NPAS3: variants seen among roughly 807,000 people sequenced by gnomAD.
The protein encoded by NPAS3 is neuronal PAS domain-containing protein 3.
Under a neutral mutation model 73.1 loss-of-function variants are expected in NPAS3, and 14 were observed. The observed-to-expected ratio is 0.19, with a 90% CI of 0.13 to 0.30. The LOEUF is 0.30. Among genes scored for constraint, NPAS3 ranks in the 10% least tolerant of loss-of-function variants. The pLI, the probability that NPAS3 is intolerant of heterozygous loss-of-function variation, is 1.00. For synonymous variants in NPAS3, 620 were observed against 541.5 expected (o/e 1.14, Z -2.01); for missense variants, 1,096 against 1,250.0 (o/e 0.88, Z 1.86).
chr14:33,742,325 C>T (rs962754409), intron 7 of NPAS3, among the ~76,000 whole-genome samples: 7 of 152,158 alleles, frequency 4.6e-5, no homozygotes, highest in African/African-American at 1.7e-4. Context: ...TTTCCAGATA[C>T]AGGCATATCT....
intron 8 of NPAS3, among the ~76,000 whole-genome samples, chr14:33,776,008 C>T (rs1032814366): frequency 4.6e-5 from 7 of 152,210 alleles, no homozygotes; most frequent in Non-Finnish European, 7.3e-5. Flanking sequence ...GTCTCATCCT[C>T]AGCCAAGAGA....
intron 1 of NPAS3, among the ~76,000 whole-genome samples, chr14:33,018,698 G>A (rs942844357): frequency 1.4e-4 from 22 of 152,264 alleles, no homozygotes; most frequent in African/African-American, 5.3e-4. Flanking sequence ...CTATTTCAGT[G>A]TTATTGGGAA....
intron 4 of NPAS3, among the ~76,000 whole-genome samples, chr14:33,558,582 C>G (rs774404018): frequency 6.6e-6 from 1 of 151,648 alleles, no homozygotes; most frequent in Non-Finnish European, 1.5e-5. Context: ...TTTATATATA[C>G]GTACATACAT....
chr14:33,251,093 C>A (rs536287091), intron 3 of NPAS3, among the ~76,000 whole-genome samples: 1 of 152,176 alleles, frequency 6.6e-6, no homozygotes, highest in East Asian at 1.9e-4. Flanking sequence ...AATCTACTAA[C>A]CCTGCTCATT....
intron 3 of NPAS3, among the ~76,000 whole-genome samples, chr14:33,308,527 T>TATATATATATATATATATAC: frequency 3.9e-5 from 4 of 103,720 alleles, no homozygotes; most frequent in Non-Finnish European, 5.6e-5. Context: ...TATATATATA[T>TATATATATATATATATATAC]ACATACACAC....
At chr14:33,676,162 A>G (rs576136989) in intron 5 of NPAS3, 49 bp from the exon 6 acceptor site, 1 of 1,574,720 alleles carries the variant, frequency 6.4e-7, no homozygotes, top group Non-Finnish European at 8.7e-7. Flanking sequence ...TTGAAAATGG[A>G]GAAGCCTATA....
chr14:33,633,666 C>T (rs2058439199), intron 5 of NPAS3, among the ~76,000 whole-genome samples: 4 of 152,146 alleles, frequency 2.6e-5, no homozygotes, highest in Admixed American at 2.6e-4. Flanking sequence ...GACTACTGTC[C>T]TACAAGTGGT....
chr14:33,560,301 A>G, intron 5 of NPAS3, 91 bp downstream of exon 5: 1 of 654,218 alleles, frequency 1.5e-6, no homozygotes. Context: ...TCTGTTTAGC[A>G]TGAATTATCA....
At chr14:33,766,082 G>T (rs557999641) in intron 7 of NPAS3, among the ~76,000 whole-genome samples, 19 of 152,292 alleles carry the variant, frequency 1.2e-4, no homozygotes, top group African/African-American at 3.9e-4. Context: ...TTTCCCTCAT[G>T]TGCCAGGCCC....
chr14:33,644,639 G>A (rs2058770223), intron 5 of NPAS3, among the ~76,000 whole-genome samples: 1 of 152,160 alleles, frequency 6.6e-6, no homozygotes, highest in Admixed American at 6.5e-5. Flanking sequence ...CTTGCCAGAG[G>A]TCACAGAGCT....
chr14:33,703,810 T>TA lies in NPAS3; in HGVS notation c.733+27431dup, dbSNP rs1360469806. Among the ~76,000 whole-genome samples, 15 of 151,994 alleles carry TA rather than the reference T, an allele frequency of 9.9e-5. No individual in the cohort carries two copies. The East Asian group carries it at 1.5e-3, about 16-fold the overall frequency. Reference sequence around the variant, plus strand: ...TTATTAACCCCATTTTACAGGTGAGTAAAAAATCTCAAAAAGGCTAAATAA... The same window carrying TA: ...TTATTAACCCCATTTTACAGGTGAGTAAAAAAATCTCAAAAAGGCTAAATAA... On this transcript the variant is annotated intron_variant, in intron 6 of 11. Coordinates refer to ENST00000356141, the Ensembl canonical transcript of NPAS3.
chr14:33,297,881 A>G (rs2042367914), intron 3 of NPAS3, among the ~76,000 whole-genome samples: 1 of 152,216 alleles, frequency 6.6e-6, no homozygotes, highest in Non-Finnish European at 1.5e-5. Flanking sequence ...GTTTTCAGGC[A>G]GCTTCAGATG....
chr14:33,010,916 G>T (rs2039166532), intron 1 of NPAS3, among the ~76,000 whole-genome samples: 1 of 142,108 alleles, frequency 7.0e-6, no homozygotes. Flanking sequence ...GCCTGGGTGA[G>T]TGACAGAGCC....
At chr14:33,130,519 A>G (rs1183370803) in intron 2 of NPAS3, among the ~76,000 whole-genome samples, 1 of 152,210 alleles carries the variant, frequency 6.6e-6, no homozygotes, top group Non-Finnish European at 1.5e-5. Context: ...GACATCTGAG[A>G]TTCCTTTGAA....
intron 7 of NPAS3, among the ~76,000 whole-genome samples, chr14:33,746,292 G>C (rs182736550): frequency 1.3e-4 from 20 of 151,476 alleles, no homozygotes; most frequent in Non-Finnish European, 2.7e-4. Context: ...GGGTTCAAGC[G>C]ATTCTCCTGC....
At chr14:33,148,283 C>T (rs1282566358) in intron 2 of NPAS3, among the ~76,000 whole-genome samples, 2 of 152,060 alleles carry the variant, frequency 1.3e-5, no homozygotes, top group Non-Finnish European at 2.9e-5. Flanking sequence ...TAGAAATGTA[C>T]TAAATTAACC....
At chr14:33,752,371 GC>G (rs765685805) in intron 7 of NPAS3, among the ~76,000 whole-genome samples, 1 of 152,128 alleles carries the variant, frequency 6.6e-6, no homozygotes, top group Non-Finnish European at 1.5e-5. Context: ...CCCAAGCCAT[GC>G]AAGAGCCATT....
chr14:33,598,511 C>T (rs2057310351), intron 5 of NPAS3, among the ~76,000 whole-genome samples: 2 of 152,220 alleles, frequency 1.3e-5, no homozygotes, highest in Admixed American at 1.3e-4. Context: ...GAGCAGTAGG[C>T]TTTGAAGAAA....
At chr14:33,340,927 C>T (rs1377486355) in intron 3 of NPAS3, among the ~76,000 whole-genome samples, 1 of 152,200 alleles carries the variant, frequency 6.6e-6, no homozygotes, top group East Asian at 1.9e-4. Flanking sequence ...ATACCACTGT[C>T]ACCTTATACT....
Sources: gnomAD v4.1 joint callset for allele counts (sites outside exome capture counted in the v4.1 genomes callset) on GRCh38, gnomAD v4.1.1 for gene constraint, MANE v1.5 for transcripts, NCBI Gene and HGNC (gene_info 2026-07-23, HGNC 2026-07-21) for gene names.